Variants in PDE4D observed in about 807,000 individuals in gnomAD.
PDE4D encodes 3',5'-cyclic-AMP phosphodiesterase 4D.
In PDE4D, 24 loss-of-function variants were observed where a neutral mutation model predicts 87.4. The ratio of observed to expected loss-of-function variants is 0.27; its 90% CI spans 0.20 to 0.39. The LOEUF (loss-of-function observed/expected upper bound fraction) is 0.39. Ranked by LOEUF, PDE4D falls within the 10% of genes least tolerant of loss-of-function variation. The pLI, the probability that PDE4D is intolerant of heterozygous loss-of-function variation, is 1.00. For synonymous variants in PDE4D, 384 were observed against 383.2 expected (o/e 1.00, Z -0.02); for missense variants, 714 against 1,041.0 (o/e 0.69, Z 4.32).
chr5:59,164,702 T>C (rs1169525771), intron 5 of PDE4D, among the ~76,000 whole-genome samples: 3 of 152,180 alleles, frequency 2.0e-5, no homozygotes, highest in Non-Finnish European at 4.4e-5. Flanking sequence ...GCCTATACTT[T>C]GTTCTGAGTC....
chr5:59,847,447 G>A (rs1016184666), intron 1 of PDE4D, among the ~76,000 whole-genome samples: 3 of 152,056 alleles, frequency 2.0e-5, no homozygotes, highest in African/African-American at 7.2e-5. Flanking sequence ...TAAGTGTGAG[G>A]TGTACGGGGA....
intron 11 of PDE4D, among the ~76,000 whole-genome samples, chr5:58,983,835 G>A (rs1293171333): frequency 6.6e-6 from 1 of 152,172 alleles, no homozygotes; most frequent in African/African-American, 2.4e-5. Flanking sequence ...CAGCTTTTCA[G>A]ATCACTTAGT....
chr5:60,113,665 T>A (rs1048211408), intron 2 of PDE4D, among the ~76,000 whole-genome samples: 5 of 152,114 alleles, frequency 3.3e-5, no homozygotes, highest in African/African-American at 1.2e-4. Context: ...AGAAGGTCAG[T>A]TCCTAAATCT....
intron 1 of PDE4D, among the ~76,000 whole-genome samples, chr5:59,802,396 C>CTTTTTTT (rs60356253): frequency 4.5e-5 from 5 of 110,362 alleles, no homozygotes; most frequent in Non-Finnish European, 8.9e-5. Context: ...CTTCCATATT[C>CTTTTTTT]TTTTTTTTTT....
At chr5:59,416,116 G>A (rs943573980) in intron 1 of PDE4D, among the ~76,000 whole-genome samples, 4 of 152,054 alleles carry the variant, frequency 2.6e-5, no homozygotes, top group Non-Finnish European at 2.9e-5. Flanking sequence ...TCTCTTGTCC[G>A]GGTCAACAAT....
intron 2 of PDE4D, among the ~76,000 whole-genome samples, chr5:60,136,311 CTATCT>C (rs1050780132): frequency 7.7e-6 from 1 of 129,498 alleles, no homozygotes; most frequent in African/African-American, 2.8e-5. Flanking sequence ...TATTTCTGGA[CTATCT>C]TTTTTTTTTT....
intron 1 of PDE4D, among the ~76,000 whole-genome samples, chr5:59,420,089 C>A (rs866269606): frequency 6.6e-6 from 1 of 152,150 alleles, no homozygotes. Context: ...TTACTTAGCA[C>A]GTGTATTTGA....
At chr5:59,180,710 G>T in intron 4 of PDE4D, 66 bp from the exon 5 acceptor site, 1 of 1,383,818 alleles carries the variant, frequency 7.2e-7, no homozygotes. Flanking sequence ...CACTCTCTGA[G>T]TCATTTCAGA....
At chr5:59,970,538 G>A (rs559284728) in intron 3 of PDE4D, among the ~76,000 whole-genome samples, 2 of 152,162 alleles carry the variant, frequency 1.3e-5, no homozygotes, top group African/African-American at 4.8e-5. Context: ...CCATCAAAAA[G>A]TGGTGAAGGA....
chr5:59,250,972 C>T (rs1330169811), intron 1 of PDE4D, among the ~76,000 whole-genome samples: 1 of 152,184 alleles, frequency 6.6e-6, no homozygotes, highest in African/African-American at 2.4e-5. Context: ...ACTGGCTACC[C>T]ATATGCAGAA....
At chr5:59,325,497 C>T (rs1262535607) in intron 1 of PDE4D, among the ~76,000 whole-genome samples, 1 of 152,136 alleles carries the variant, frequency 6.6e-6, no homozygotes, top group Non-Finnish European at 1.5e-5. Context: ...TAAACAGTGA[C>T]ACCTTTGTAT....
chr5:59,172,339 T>G (rs1469562463), intron 5 of PDE4D, among the ~76,000 whole-genome samples: 12 of 132,886 alleles, frequency 9.0e-5, no homozygotes, highest in African/African-American at 3.4e-4. Flanking sequence ...ATATAATATA[T>G]TATATATTAT....
chr5:59,957,471 C>A (rs1206771883), intron 3 of PDE4D, among the ~76,000 whole-genome samples: 1 of 151,788 alleles, frequency 6.6e-6, no homozygotes, highest in Non-Finnish European at 1.5e-5. Context: ...TTTTCTGGAC[C>A]TAAGTTCTTT....
rs1744245734 is a variant in PDE4D at position 60,431,196 on chromosome 5, C to G, written c.-90+56746G>C. 4 of 193,804 alleles carry G rather than the reference C, an allele frequency of 2.1e-5. No individual in the cohort carries two copies. In the South Asian group the frequency reaches 3.0e-4, roughly 15 times the overall value. 12.0% of individuals were successfully genotyped at this position (193,804 alleles called of 1,614,324 possible). On this transcript the variant is annotated intron_variant, in intron 1 of 16. Coordinates refer to the PDE4D transcript ENST00000502484. The stretch of plus-strand genomic sequence containing the variant: ...CTGACCCCCCCACCTCCCTCCCAGA[C>G]AGGGTGGCTGCTGGGCGGAGACGCT...
At position 59,235,593 on chromosome 5, in the gene PDE4D, C is replaced by A. The variant is rs1756241134; in HGVS notation, c.456-19625G>T. 2.6e-5 allele frequency among the ~76,000 whole-genome samples: 4 copies of A among 152,154 alleles called. No homozygotes were observed. In the South Asian group the frequency reaches 6.2e-4, roughly 24 times the overall value. ...AATGAAGGATTGAACAATTGGATTA[C>A]TTTTAATCCTTCATAAAGCTTGAAT... On this transcript the variant is annotated intron_variant, in intron 1 of 14. Coordinates refer to ENST00000340635, the MANE Select transcript of PDE4D (RefSeq NM_001104631.2).
At chr5:59,854,283 A>AT (rs143499001) in intron 1 of PDE4D, among the ~76,000 whole-genome samples, 15,643 of 151,778 alleles carry the variant, frequency 0.1, 2,549 homozygotes, top group African/African-American at 0.34. Context: ...TTATCTTGAC[A>AT]TTTTTTACAT....
At chr5:59,334,803 C>G (rs759727837) in intron 1 of PDE4D, among the ~76,000 whole-genome samples, 1 of 151,908 alleles carries the variant, frequency 6.6e-6, no homozygotes, top group Non-Finnish European at 1.5e-5. Flanking sequence ...TTTTTATATT[C>G]TATAAATTAA....
chr5:60,425,173 G>GA (rs1170974227), intron 1 of PDE4D, among the ~76,000 whole-genome samples: 4 of 152,026 alleles, frequency 2.6e-5, no homozygotes, highest in Non-Finnish European at 5.9e-5. Context: ...CACAGAAATG[G>GA]AAAAAACTAC....
intron 1 of PDE4D, among the ~76,000 whole-genome samples, chr5:60,205,375 A>C (rs955179210): frequency 6.6e-6 from 1 of 152,148 alleles, no homozygotes; most frequent in Admixed American, 6.5e-5. Context: ...AACTGGCAAA[A>C]CATCCTTTTG....
Sources: gnomAD v4.1 joint callset for allele counts (sites outside exome capture counted in the v4.1 genomes callset) on GRCh38, gnomAD v4.1.1 for gene constraint, MANE v1.5 for transcripts, NCBI Gene and HGNC (gene_info 2026-07-23, HGNC 2026-07-21) for gene names.